The following DIS3 variants were observed in gnomAD, a reference collection of about 807,000 sequenced individuals.
The protein encoded by DIS3 is exosome complex exonuclease RRP44.
Under a neutral mutation model 113.0 loss-of-function variants are expected in DIS3, and 103 were observed. That is an observed-to-expected ratio of 0.91 (90% CI 0.78 to 1.07). DIS3 has a LOEUF of 1.07. Among genes scored for constraint, DIS3 ranks in the 50% least tolerant of loss-of-function variants. The pLI is 0.00. For synonymous variants in DIS3, 402 were observed against 394.3 expected, an observed-to-expected ratio of 1.02 and a Z score of -0.23; for missense variants, 1,121 against 1,167.1, an observed-to-expected ratio of 0.96 and a Z score of 0.58.
At position 72,775,286 on chromosome 13, in the gene DIS3, T is replaced by G. The variant is rs916469353; in HGVS notation, c.912A>C (p.Ala304=). The stretch of plus-strand genomic sequence containing the variant: ...CATCATGTAAAACCACAGAAGATGG[T>G]GCTACCCACTGACTCTTGGGGAGAA... ...VELLPKSQWV[A]PSSVVLHDEG... Residue 304 remains alanine (A), a synonymous_variant, in exon 6 of 21, where the codon GCA becomes GCC. Transcript: ENST00000377767. The G allele has an allele frequency of 6.2e-7, 1 of 1,613,846 alleles. No homozygotes were observed. The highest frequency in any genetic ancestry group is 8.5e-7 in the Non-Finnish European group (1 of 1,179,808).
At chr13:72,760,939 G>A (rs541942038) in intron 19 of DIS3, among the ~76,000 whole-genome samples, 133 of 151,996 alleles carry the variant, frequency 8.8e-4, no homozygotes, top group Non-Finnish European at 7.5e-4. Context: ...TCTAGTAGAG[G>A]AACACAAAGG....
At chr13:72,770,435 G>T (rs923413044) in intron 13 of DIS3, among the ~76,000 whole-genome samples, 9 of 152,114 alleles carry the variant, frequency 5.9e-5, no homozygotes, top group Non-Finnish European at 1.0e-4. Flanking sequence ...GTTCAAAAGA[G>T]CATCTAGCTT....
At chr13:72,776,972 T>C (rs2034031687) in intron 4 of DIS3, among the ~76,000 whole-genome samples, 1 of 152,238 alleles carries the variant, frequency 6.6e-6, no homozygotes, top group South Asian at 2.1e-4. Context: ...CTCAGAATCC[T>C]TTCCTCTTCA....
intron 1 of DIS3, 131 bp from the exon 2 acceptor site, chr13:72,781,134 T>C (rs1014550660): frequency 7.3e-5 from 98 of 1,341,280 alleles, no homozygotes; most frequent in Non-Finnish European, 9.7e-5. Context: ...GCCAAGAAGC[T>C]ATTTGGCTAT....
At chr13:72,781,173 T>A in intron 1 of DIS3, 170 bp from the exon 2 acceptor site, 1 of 1,401,444 alleles carries the variant, frequency 7.1e-7, no homozygotes, top group Non-Finnish European at 9.9e-7. Flanking sequence ...CACTAAACCC[T>A]TCAGATCTAT....
chr13:72,773,287 C>A (rs2033929788), intron 8 of DIS3, among the ~76,000 whole-genome samples: 1 of 152,102 alleles, frequency 6.6e-6, no homozygotes, highest in African/African-American at 2.4e-5. Flanking sequence ...CTGGCCAACA[C>A]AGCGAAACCC....
In DIS3 at chr13:72,754,924, G is replaced by T; in HGVS notation, c.*4871C>A. 1 of 437,860 alleles carries T rather than the reference G, an allele frequency of 2.3e-6. No individual in the cohort carries two copies. The highest frequency in any genetic ancestry group is 3.0e-5 in the South Asian group (1 of 33,670). The allele number at this position is 437,860 out of a possible 1,614,324, so 27.1% of individuals were successfully genotyped here. A position where few individuals can be genotyped will look rare whatever the true frequency, so the allele number is the denominator to read the frequency against. Reference sequence around the variant, plus strand: ...AGACAGGGTCTCACTATGTTGCCAGGGCTAGTCCCAAACTCCTGGGCTCGT... The same window carrying T: ...AGACAGGGTCTCACTATGTTGCCAGTGCTAGTCCCAAACTCCTGGGCTCGT... On this transcript the variant is annotated 3_prime_UTR_variant, in exon 21 of 21. Transcript: ENST00000377767.
Position 72,755,053 on chromosome 13 carries a change from A to C in DIS3, c.*4742T>G. 1.1e-6 allele frequency: 1 copy of C among 951,480 alleles called. No homozygotes were observed. The allele number at this position is 951,480 out of a possible 1,614,324, so 58.9% of individuals were successfully genotyped here. Reference sequence around the variant, plus strand: ...TTACTGTCCCTTCAGAGTTCAGCTAAAGAAACGTGCTTTTAGGTTTTAAAA... The same window carrying C: ...TTACTGTCCCTTCAGAGTTCAGCTACAGAAACGTGCTTTTAGGTTTTAAAA... On this transcript the variant is annotated 3_prime_UTR_variant, in exon 21 of 21. Coordinates refer to ENST00000377767, the MANE Select transcript of DIS3 (RefSeq NM_014953.5).
chr13:72,769,027 TA>T, intron 13 of DIS3, 115 bp from the exon 14 acceptor site: 1 of 608,192 alleles, frequency 1.6e-6, no homozygotes, highest in Non-Finnish European at 2.7e-6. Context: ...CTAAAATCAG[TA>T]ACAAAATAGA....
rs1177966417 is a variant in DIS3 at position 72,753,041 on chromosome 13, T to C, written c.*6754A>G. On this transcript the variant is annotated 3_prime_UTR_variant, in exon 21 of 21. Transcript: ENST00000377767. Reference sequence around the variant, plus strand: ...TTAAGCTTTTTAAGCCTTAATTTCCTTCTCTAGTAAAGTATTAGGGTTGTT... The same window carrying C: ...TTAAGCTTTTTAAGCCTTAATTTCCCTCTCTAGTAAAGTATTAGGGTTGTT... The C allele has an allele frequency of 6.6e-6, 1 of 152,206 alleles. No homozygotes were observed. Among genetic ancestry groups the C allele is most frequent in the African/African-American group, 2.4e-5 (1 of 41,458 alleles). 9.4% of individuals were successfully genotyped at this position (152,206 alleles called of 1,614,324 possible). A position where few individuals can be genotyped will look rare whatever the true frequency, so the allele number is the denominator to read the frequency against.
intron 2 of DIS3, 70 bp from the exon 3 acceptor site, chr13:72,778,450 A>AT: frequency 7.7e-7 from 1 of 1,299,898 alleles, no homozygotes; most frequent in Non-Finnish European, 1.0e-6. Context: ...CTCTTAGCAC[A>AT]TAAATGCTTA....
intron 1 of DIS3, 39 bp from the exon 2 acceptor site, chr13:72,781,042 T>C: frequency 6.4e-7 from 1 of 1,556,424 alleles, no homozygotes; most frequent in Non-Finnish European, 8.7e-7. Flanking sequence ...TATATTCATT[T>C]GTAAATAGCT....
chr13:72,763,451 C>T lies in DIS3; in HGVS notation c.2127G>A (p.Arg709=). Residue 709 remains arginine (R), a splice_region_variant and synonymous_variant, in exon 16 of 21, where the codon AGG becomes AGA. Transcript: ENST00000377767. ...GATTTTTCAAACTGTAGGACCTTAC[C>T]CTTGACCTGGCTGCCTTAACAAGAA... ...YEILVKAARS[R]NLEIKTDTAK... 3.1e-6 allele frequency: 5 copies of T among 1,612,252 alleles called. No individual in the cohort carries two copies. Among genetic ancestry groups the T allele is most frequent in the Non-Finnish European group, 4.2e-6 (5 of 1,179,456 alleles).
chr13:72,769,186 T>C (rs2033826132), intron 13 of DIS3, among the ~76,000 whole-genome samples: 1 of 152,232 alleles, frequency 6.6e-6, no homozygotes, highest in Admixed American at 6.5e-5. Context: ...ACTTGTATAT[T>C]CCAATTACTG....
chr13:72,777,597 A>C (rs1198485028), intron 3 of DIS3, 104 bp from the exon 4 acceptor site: 2 of 940,608 alleles, frequency 2.1e-6, no homozygotes, highest in Non-Finnish European at 3.3e-6. Flanking sequence ...TCTTTCATTC[A>C]TTGAGACACA....
In DIS3 at chr13:72,761,704, T is replaced by C. The variant is rs1431318950; in HGVS notation, c.2453A>G (p.Asn818Ser). 6.2e-7 allele frequency: 1 copy of C among 1,613,582 alleles called. No individual in the cohort carries two copies. Among genetic ancestry groups the C allele is most frequent in the Non-Finnish European group, 8.5e-7 (1 of 1,179,910 alleles). The change falls in exon 18 of 21, where the codon AAT becomes AGT. Residue 818 changes from asparagine to serine, a missense_variant. Physicochemically the swap from Asn to Ser is conservative, Grantham distance 46. This residue lies in a region of DIS3 where 861 missense variants were observed against 915.5 expected (regional missense o/e 0.94). Transcript: ENST00000377767. ...ATATTGAGCCATTTTGTGCCGGAAA[T>C]TTAGATTTTTACATATATCTGCAAG... ...HKLADICKNLNFRHKMAQYAQ... is the reference protein window; with the variant it reads ...HKLADICKNLSFRHKMAQYAQ...
chr13:72,759,934 A>C, intron 20 of DIS3, 56 bp from the exon 21 acceptor site: 898 of 1,356,536 alleles, frequency 6.6e-4, no homozygotes, highest in Non-Finnish European at 8.5e-4. Context: ...AATACATCTC[A>C]ACCTCATCCT....
Position 72,775,208 on chromosome 13 carries a change from T to A in DIS3, c.987+3A>T. 6.2e-7 allele frequency: 1 copy of A among 1,610,422 alleles called. No individual in the cohort carries two copies. Among genetic ancestry groups the A allele is most frequent in the East Asian group, 2.2e-5 (1 of 44,800 alleles). ...CAAAAAAAAATCCTGCTTAGATTCA[T>A]ACCATTCGTTCTGTCTCTTCTTCTT... On this transcript the variant is annotated splice_donor_region_variant and intron_variant, in intron 6 of 20. Coordinates refer to ENST00000377767, the MANE Select transcript of DIS3 (RefSeq NM_014953.5).
chr13:72,781,605 C>T lies in DIS3; in HGVS notation c.228G>A (p.Gln76=). 1.3e-6 allele frequency: 2 copies of T among 1,510,194 alleles called. No individual in the cohort carries two copies. The highest frequency in any genetic ancestry group is 8.9e-7 in the Non-Finnish European group (1 of 1,124,908). 93.5% of individuals were successfully genotyped at this position (1,510,194 alleles called of 1,614,324 possible). A position where few individuals can be genotyped will look rare whatever the true frequency, so the allele number is the denominator to read the frequency against. Residue 76 remains glutamine, a splice_region_variant and synonymous_variant, in exon 1 of 21, where the codon CAG becomes CAA. Coordinates refer to ENST00000377767, the MANE Select transcript of DIS3 (RefSeq NM_014953.5). Reference sequence around the variant, plus strand: ...GTCCGCGGTTCGCCCGCCCACGCACCTGGTGCAGTAACACATTAGTGTCGG... The same window carrying T: ...GTCCGCGGTTCGCCCGCCCACGCACTTGGTGCAGTAACACATTAGTGTCGG... The part of the protein sequence containing the change: ...LLPDTNVLLH[Q]IDVLEDPAIR...
Sources: gnomAD v4.1 joint callset for allele counts (sites outside exome capture counted in the v4.1 genomes callset) on GRCh38, gnomAD v4.1.1 for gene constraint, gnomAD v4.1.1 regional missense constraint, MANE v1.5 for transcripts, NCBI Gene and HGNC (gene_info 2026-07-23, HGNC 2026-07-21) for gene names.